The following HECA variants were observed in gnomAD, a reference collection of about 807,000 sequenced individuals.
HECA encodes the protein headcase protein homolog.
A neutral mutation model predicts 37.6 loss-of-function variants in HECA; 13 were observed. The ratio of observed to expected loss-of-function variants is 0.35; its 90% CI spans 0.23 to 0.55. The LOEUF (loss-of-function observed/expected upper bound fraction) is 0.55, where lower values mean the gene tolerates loss of function less well. Ranked by LOEUF, HECA falls within the 20% of genes least tolerant of loss-of-function variation. The pLI is 0.90. For missense variants in HECA, 527 were observed against 701.9 expected (o/e 0.75, Z 2.82); for synonymous variants, 307 against 291.5 (o/e 1.05, Z -0.54).
At chr6:139,153,834 T>C (rs1774682191) in intron 1 of HECA, among the ~76,000 whole-genome samples, 1 of 152,240 alleles carries the variant, frequency 6.6e-6, no homozygotes, top group Admixed American at 6.5e-5. Flanking sequence ...GATCATCCTA[T>C]CATATTTTCC....
chr6:139,163,851 C>T (rs1044458161), intron 1 of HECA, among the ~76,000 whole-genome samples: 1 of 152,110 alleles, frequency 6.6e-6, no homozygotes, highest in African/African-American at 2.4e-5. Flanking sequence ...GGGATTTGAC[C>T]TTCATCTGTG....
intron 1 of HECA, among the ~76,000 whole-genome samples, chr6:139,148,849 A>G (rs1223810536): frequency 3.3e-5 from 5 of 152,056 alleles, no homozygotes; most frequent in Admixed American, 6.5e-5. Context: ...TGTCGAGTCA[A>G]TAGCTGAGCT....
chr6:139,176,896 G>T lies in HECA; in HGVS notation c.1468-45G>T, dbSNP rs190270425. The T allele has an allele frequency of 2.0e-4, 168 of 842,854 alleles. 4 individuals carry two copies. The Admixed American group carries it at 2.7e-3, about 14-fold the overall frequency. The allele number at this position is 842,854 out of a possible 1,614,324, so 52.2% of individuals were successfully genotyped here. The stretch of plus-strand genomic sequence containing the variant: ...GGTTTGGATGACTTTGACAAGTGTT[G>T]GGAAGTGGAGGGGTGTTGTGGCTGA... On this transcript the variant is annotated intron_variant, in intron 3 of 3. Transcript: ENST00000367658. This position sits in a 1 kb window ranked among gnomAD's most constrained non-coding sequence, Gnocchi z 4.5.
At chr6:139,151,583 A>T (rs1199846048) in intron 1 of HECA, among the ~76,000 whole-genome samples, 1 of 152,216 alleles carries the variant, frequency 6.6e-6, no homozygotes, top group African/African-American at 2.4e-5. Flanking sequence ...TAGCAATTCT[A>T]TTAACTAGAG....
Position 139,135,441 on chromosome 6 carries a change from C to T in HECA, c.45C>T (p.Arg15=). 1 of 1,375,070 alleles carries T rather than the reference C, an allele frequency of 7.3e-7. No individual in the cohort carries two copies. Among genetic ancestry groups the T allele is most frequent in the Non-Finnish European group, 9.6e-7 (1 of 1,042,780 alleles). The allele number at this position is 1,375,070 out of a possible 1,614,324, so 85.2% of individuals were successfully genotyped here. A position where few individuals can be genotyped will look rare whatever the true frequency, so the allele number is the denominator to read the frequency against. ...GCAAAGGCGGCCGCAAAAACAAGCG[C>T]GCCAACAGCAGCGGCGACGAGCAGG... is the stretch of plus-strand genomic sequence containing the variant. ...KNSKGGRKNK[R]ANSSGDEQEN... is the part of the protein sequence containing the mutation. The change falls in exon 1 of 4, where the codon CGC becomes CGT. Residue 15 remains arginine, a synonymous_variant. Coordinates refer to ENST00000367658, the MANE Select transcript of HECA (RefSeq NM_016217.3).
At chr6:139,147,496 G>A (rs1774598828) in intron 1 of HECA, among the ~76,000 whole-genome samples, 1 of 152,106 alleles carries the variant, frequency 6.6e-6, no homozygotes, top group Admixed American at 6.6e-5. Context: ...GTGGTGATGT[G>A]TGCCTGTAGT....
rs1261844506 is a variant in HECA at position 139,179,484 on chromosome 6, T to C, written c.*2379T>C. On this transcript the variant is annotated 3_prime_UTR_variant, in exon 4 of 4. Transcript: ENST00000367658. ...TAAATAGGATGAGGTTTTACTGTAA[T>C]TGGGTAAAGTTTACTCTTGGACATT... 6.6e-6 allele frequency: 1 copy of C among 152,194 alleles called. No individual in the cohort carries two copies. Among genetic ancestry groups the C allele is most frequent in the African/African-American group, 2.4e-5 (1 of 41,456 alleles). 9.4% of individuals were successfully genotyped at this position (152,194 alleles called of 1,614,324 possible).
Position 139,135,516 on chromosome 6 carries a change from C to CG in HECA, c.127dup (p.Ala43GlyfsTer62). 6 of 1,033,150 alleles carry CG rather than the reference C, an allele frequency of 5.8e-6. No homozygotes were observed. The highest frequency in any genetic ancestry group is 1.6e-4 in the East Asian group (2 of 12,510). The allele number at this position is 1,033,150 out of a possible 1,614,324, so 64.0% of individuals were successfully genotyped here. A position where few individuals can be genotyped will look rare whatever the true frequency, so the allele number is the denominator to read the frequency against. ...CGGCGGGCGCGGCGGGAGCGGCGGC[C>CG]GGGGGGGCCCTGGCGGCGGCGGCCG... On this transcript the variant is annotated frameshift_variant, in exon 1 of 4. Coordinates refer to ENST00000367658, the MANE Select transcript of HECA (RefSeq NM_016217.3). LOFTEE classifies it high-confidence loss of function.
intron 2 of HECA, among the ~76,000 whole-genome samples, chr6:139,172,209 C>T (rs951207347): frequency 2.0e-5 from 3 of 152,184 alleles, no homozygotes; most frequent in Non-Finnish European, 4.4e-5. Flanking sequence ...AATGATCATC[C>T]CATTTCAGCC....
At chr6:139,154,728 C>T (rs1322755118) in intron 1 of HECA, among the ~76,000 whole-genome samples, 1 of 152,168 alleles carries the variant, frequency 6.6e-6, no homozygotes, top group Non-Finnish European at 1.5e-5. Flanking sequence ...TTTTGGGGCT[C>T]ATCAAGAGAG....
intron 1 of HECA, among the ~76,000 whole-genome samples, chr6:139,165,390 A>G (rs1169842073): frequency 6.6e-6 from 1 of 152,180 alleles, no homozygotes; most frequent in Non-Finnish European, 1.5e-5. Context: ...ACAATTGATG[A>G]ACCTACATTT....
intron 1 of HECA, chr6:139,151,063 A>C (rs1774644095): frequency 1.3e-5 from 2 of 152,282 alleles, no homozygotes; most frequent in South Asian, 4.1e-4. Context: ...CCTTGTTGCA[A>C]CAGATTCTAT....
At chr6:139,167,724 G>C (rs907620688) in intron 2 of HECA, among the ~76,000 whole-genome samples, 1 of 152,150 alleles carries the variant, frequency 6.6e-6, no homozygotes, top group Non-Finnish European at 1.5e-5. Context: ...GTCAGAAAAG[G>C]GCCAAGGTAT....
At chr6:139,161,101 C>T (rs994974691) in intron 1 of HECA, among the ~76,000 whole-genome samples, 2 of 151,810 alleles carry the variant, frequency 1.3e-5, no homozygotes, top group East Asian at 3.9e-4. Context: ...ATGTTTGAAC[C>T]GAGCCTTGAA....
At position 139,174,556 on chromosome 6, in the gene HECA, C is replaced by CT; in HGVS notation, c.1467+18dup. The CT allele has an allele frequency of 6.2e-7, 1 of 1,610,212 alleles. No individual in the cohort carries two copies. Among genetic ancestry groups the CT allele is most frequent in the Non-Finnish European group, 8.5e-7 (1 of 1,177,510 alleles). On this transcript the variant is annotated intron_variant, in intron 3 of 3. Coordinates refer to ENST00000367658, the MANE Select transcript of HECA (RefSeq NM_016217.3). ...TGTTGTCAGGTAGGTACTGAACACA[C>CT]TGAGGGAGCAGTGGGTGATATTAGG... is the stretch of plus-strand genomic sequence containing the variant.
Position 139,180,330 on chromosome 6 carries a change from T to A in HECA, c.*3225T>A, listed in dbSNP as rs569592190. On this transcript the variant is annotated 3_prime_UTR_variant, in exon 4 of 4. Coordinates refer to ENST00000367658, the MANE Select transcript of HECA (RefSeq NM_016217.3). ...AGAGCACCAGAACTAATTTGCTAAGTCTTTTGTTTAGTCCTGCAAGACTGA... is the reference window on the plus strand; with the variant it reads ...AGAGCACCAGAACTAATTTGCTAAGACTTTTGTTTAGTCCTGCAAGACTGA... 1 of 152,640 alleles carries A rather than the reference T, an allele frequency of 6.6e-6. No individual in the cohort carries two copies. Among genetic ancestry groups the A allele is most frequent in the Non-Finnish European group, 1.5e-5 (1 of 68,030 alleles). The allele number at this position is 152,640 out of a possible 1,614,324, so 9.5% of individuals were successfully genotyped here.
chr6:139,146,066 C>T (rs754611079), intron 1 of HECA, among the ~76,000 whole-genome samples: 1 of 152,142 alleles, frequency 6.6e-6, no homozygotes, highest in Non-Finnish European at 1.5e-5. Context: ...CCTCCCCTCC[C>T]CTACCAAGAA....
intron 2 of HECA, among the ~76,000 whole-genome samples, chr6:139,173,368 A>C (rs1320476461): frequency 1.3e-5 from 2 of 152,170 alleles, no homozygotes; most frequent in Non-Finnish European, 2.9e-5. Flanking sequence ...TCTTGCCCTC[A>C]AGGAGGAAGG....
chr6:139,168,405 T>C (rs1774923804), intron 2 of HECA, among the ~76,000 whole-genome samples: 1 of 151,370 alleles, frequency 6.6e-6, no homozygotes, highest in South Asian at 2.1e-4. Flanking sequence ...TAGGGTTAAT[T>C]GATTATTTTG....
Sources: allele counts gnomAD v4.1 joint callset (sites outside exome capture counted in the v4.1 genomes callset), GRCh38; gene constraint gnomAD v4.1.1; non-coding constraint Gnocchi (gnomAD v3.1); transcripts MANE v1.5; gene names NCBI Gene and HGNC (gene_info 2026-07-23, HGNC 2026-07-21).